GRID2: variants seen among roughly 807,000 people sequenced by gnomAD.
The protein encoded by GRID2 is glutamate ionotropic receptor delta type subunit 2.
A neutral mutation model predicts 114.8 loss-of-function variants in GRID2; 33 were observed. The observed-to-expected ratio is 0.29, with a 90% confidence interval of 0.22 to 0.38. The LOEUF is 0.38. Among genes scored for constraint, GRID2 ranks in the 10% least tolerant of loss-of-function variants. GRID2 has a pLI of 1.00. For missense variants in GRID2, 1,184 were observed against 1,257.7 expected (o/e 0.94, Z 0.89); for synonymous variants, 505 against 449.9 (o/e 1.12, Z -1.55).
chr4:92,963,473 G>T (rs370063084), intron 2 of GRID2, among the ~76,000 whole-genome samples: 1 of 151,922 alleles, frequency 6.6e-6, no homozygotes, highest in African/African-American at 2.4e-5. Context: ...CACTGTCTTT[G>T]TTCCTCCATA....
At chr4:93,360,946 C>G (rs373095694) in intron 8 of GRID2, among the ~76,000 whole-genome samples, 1 of 151,686 alleles carries the variant, frequency 6.6e-6, no homozygotes, top group Admixed American at 6.6e-5. Context: ...ATTTGTGCTG[C>G]TTTTTTTAGT....
At chr4:92,529,422 A>C (rs1725219928) in intron 1 of GRID2, among the ~76,000 whole-genome samples, 1 of 152,144 alleles carries the variant, frequency 6.6e-6, no homozygotes, top group Admixed American at 6.6e-5. Context: ...CAATGAGAGA[A>C]GACCTCATTG....
chr4:92,524,407 CTTTTTT>C (rs869060153), intron 1 of GRID2, among the ~76,000 whole-genome samples: 3,865 of 106,584 alleles, frequency 0.036, 133 homozygotes, highest in African/African-American at 0.12. Context: ...ATTTCCTTGT[CTTTTTT>C]TTTTTTTTTT....
intron 8 of GRID2, among the ~76,000 whole-genome samples, chr4:93,286,610 C>G (rs1228180333): frequency 1.3e-5 from 2 of 151,896 alleles, no homozygotes; most frequent in East Asian, 3.9e-4. Context: ...ACTTAAGAAC[C>G]ATCTCAAAGA....
rs1349448720 is a variant in GRID2 at position 93,271,580 on chromosome 4, C to A, written c.1245+33090C>A. 7.2e-5 allele frequency among the ~76,000 whole-genome samples: 11 copies of A among 152,218 alleles called. No individual in the cohort carries two copies. In the East Asian group the frequency reaches 2.1e-3, roughly 29 times the overall value. On this transcript the variant is annotated intron_variant, in intron 8 of 15. Coordinates refer to ENST00000282020, the MANE Select transcript of GRID2 (RefSeq NM_001510.4). The stretch of plus-strand genomic sequence containing the variant: ...AGAAGCCTCAATATCTAACCAGGGC[C>A]AGAGTTTGAATTTTCACTAAGGTTA...
At position 93,055,252 on chromosome 4, in the gene GRID2, C is replaced by T. The variant is rs970502818; in HGVS notation, c.245-29743C>T. 2.0e-5 allele frequency among the ~76,000 whole-genome samples: 3 copies of T among 151,756 alleles called. No individual in the cohort carries two copies. The East Asian group carries it at 5.8e-4, about 29-fold the overall frequency. On this transcript the variant is annotated intron_variant, in intron 2 of 15. Coordinates refer to ENST00000282020, the MANE Select transcript of GRID2 (RefSeq NM_001510.4). Reference sequence around the variant, plus strand: ...AGTAGGCTGGAATCATGAGACCTTACTGCACAAAGTTCCACCCCTCTCTCT... The same window carrying T: ...AGTAGGCTGGAATCATGAGACCTTATTGCACAAAGTTCCACCCCTCTCTCT...
In GRID2 at chr4:93,760,430, AT is replaced by A. The variant is rs1578754536; in HGVS notation, c.2361-8777del. Among the ~76,000 whole-genome samples, 4 of 152,326 alleles carry A rather than the reference AT, an allele frequency of 2.6e-5. No individual in the cohort carries two copies. In the East Asian group the frequency reaches 7.7e-4, roughly 29 times the overall value. On this transcript the variant is annotated intron_variant, in intron 14 of 15. Transcript: ENST00000282020. ...TACTTTATCAAATTACCTTTTTCAA[AT>A]TTGAAAGTAACATATCAGGTTTGAA...
intron 15 of GRID2, 122 bp downstream of exon 15, chr4:93,769,572 T>G: frequency 2.4e-6 from 2 of 840,118 alleles, no homozygotes; most frequent in Non-Finnish European, 1.9e-6. Context: ...TCTTGAAGAT[T>G]AAAAATAAAG....
chr4:92,709,350 T>G (rs1446977484), intron 2 of GRID2, among the ~76,000 whole-genome samples: 1 of 151,998 alleles, frequency 6.6e-6, no homozygotes, highest in East Asian at 1.9e-4. Context: ...CCTGCCACTG[T>G]GCTTTATACT....
intron 2 of GRID2, among the ~76,000 whole-genome samples, chr4:93,029,049 T>C (rs973921787): frequency 1.3e-5 from 2 of 152,112 alleles, no homozygotes; most frequent in Non-Finnish European, 2.9e-5. Flanking sequence ...CATTATGTTA[T>C]TAATCTTCAT....
At chr4:92,884,950 G>A (rs1184963728) in intron 2 of GRID2, 11 of 314,848 alleles carry the variant, frequency 3.5e-5, no homozygotes, top group African/African-American at 8.9e-5. Flanking sequence ...AAAAAAAATC[G>A]CATCTAAAAG....
At chr4:92,997,694 A>T (rs1755287772) in intron 2 of GRID2, among the ~76,000 whole-genome samples, 1 of 152,090 alleles carries the variant, frequency 6.6e-6, no homozygotes, top group Non-Finnish European at 1.5e-5. Context: ...TATCGCTCTG[A>T]TTCTCAGTTT....
intron 1 of GRID2, among the ~76,000 whole-genome samples, chr4:92,449,573 A>G (rs1560638335): frequency 6.7e-6 from 1 of 149,470 alleles, no homozygotes; most frequent in African/African-American, 2.5e-5. Context: ...TATAATAATA[A>G]CTCTGTCATA....
intron 8 of GRID2, among the ~76,000 whole-genome samples, chr4:93,323,238 G>A (rs564593917): frequency 1.3e-5 from 2 of 152,154 alleles, no homozygotes; most frequent in Non-Finnish European, 2.9e-5. Context: ...GTGTAAGGAA[G>A]GGATCCAGTT....
At chr4:93,630,705 C>T (rs1044524376) in intron 14 of GRID2, among the ~76,000 whole-genome samples, 3 of 152,060 alleles carry the variant, frequency 2.0e-5, no homozygotes, top group African/African-American at 7.2e-5. Flanking sequence ...TCAAACTAAT[C>T]GCAGAATTTG....
At chr4:93,795,120 T>G (rs1182555777) in intron 1 of GRID2, among the ~76,000 whole-genome samples, 2 of 152,132 alleles carry the variant, frequency 1.3e-5, no homozygotes, top group Non-Finnish European at 2.9e-5. Context: ...ATGAGCAGAA[T>G]CATAGTTATG....
At chr4:92,803,697 T>C (rs953405099) in intron 2 of GRID2, among the ~76,000 whole-genome samples, 1 of 151,368 alleles carries the variant, frequency 6.6e-6, no homozygotes, top group African/African-American at 2.4e-5. Flanking sequence ...CTTCTTGTTT[T>C]TAAGGGGGAC....
chr4:92,805,454 A>C (rs1234214466), intron 2 of GRID2, among the ~76,000 whole-genome samples: 3 of 152,048 alleles, frequency 2.0e-5, no homozygotes, highest in African/African-American at 7.2e-5. Flanking sequence ...ATTGGGTCTG[A>C]GAATTTATGT....
chr4:93,294,545 G>A (rs550199487), intron 8 of GRID2, among the ~76,000 whole-genome samples: 1 of 152,130 alleles, frequency 6.6e-6, no homozygotes, highest in African/African-American at 2.4e-5. Context: ...AAATATTATG[G>A]CACTTTGTTT....
Sources: allele counts gnomAD v4.1 joint callset (sites outside exome capture counted in the v4.1 genomes callset), GRCh38; gene constraint gnomAD v4.1.1; transcripts MANE v1.5; gene names NCBI Gene and HGNC (gene_info 2026-07-23, HGNC 2026-07-21).